Variants in KIFAP3 observed in about 807,000 individuals in gnomAD.
The protein encoded by KIFAP3 is kinesin-associated protein 3.
Under a neutral mutation model 106.5 loss-of-function variants are expected in KIFAP3, and 68 were observed. The ratio of observed to expected loss-of-function variants is 0.64; its 90% confidence interval spans 0.53 to 0.78. The LOEUF is 0.78. KIFAP3 is among the 30% of genes least tolerant of loss of function. KIFAP3 has a pLI of 0.00. For missense variants in KIFAP3, 780 were observed against 941.8 expected, an observed-to-expected ratio of 0.83 and a Z score of 2.25; for synonymous variants, 320 against 311.5, an observed-to-expected ratio of 1.03 and a Z score of -0.29.
chr1:170,045,189 C>T (rs1670179805), intron 3 of KIFAP3, among the ~76,000 whole-genome samples: 1 of 152,052 alleles, frequency 6.6e-6, no homozygotes, highest in Non-Finnish European at 1.5e-5. Flanking sequence ...ATAAAAGCAC[C>T]TCGGAAAGAC....
intron 12 of KIFAP3, 114 bp from the exon 13 acceptor site, chr1:169,983,496 A>C: frequency 1.5e-6 from 1 of 680,468 alleles, no homozygotes; most frequent in East Asian, 2.8e-5. Flanking sequence ...ATAACTCTTA[A>C]GGGTACAATT....
At chr1:169,956,513 T>C (rs1196506267) in intron 18 of KIFAP3, among the ~76,000 whole-genome samples, 1 of 151,908 alleles carries the variant, frequency 6.6e-6, no homozygotes, top group Non-Finnish European at 1.5e-5. Flanking sequence ...ACTTCAAAGA[T>C]TCAGCCAGAA....
intron 10 of KIFAP3, among the ~76,000 whole-genome samples, chr1:170,009,545 T>G (rs191256148): frequency 6.6e-6 from 1 of 152,152 alleles, no homozygotes; most frequent in Non-Finnish European, 1.5e-5. Flanking sequence ...CTTGCTCTTG[T>G]GCTAAAACCA....
intron 1 of KIFAP3, among the ~76,000 whole-genome samples, chr1:170,066,051 A>G (rs1671427302): frequency 6.6e-6 from 1 of 151,038 alleles, no homozygotes; most frequent in Admixed American, 6.6e-5. Flanking sequence ...TTTTCACTAT[A>G]CTTTTAAAAA....
intron 11 of KIFAP3, chr1:169,990,043 T>C: frequency 6.5e-7 from 1 of 1,542,974 alleles, no homozygotes; most frequent in South Asian, 1.2e-5. Flanking sequence ...TATGCTTTGT[T>C]ATCATAGTGA....
chr1:170,071,422 A>G (rs1386484274), intron 1 of KIFAP3, among the ~76,000 whole-genome samples: 1 of 152,216 alleles, frequency 6.6e-6, no homozygotes, highest in African/African-American at 2.4e-5. Context: ...ATGTTGCTAT[A>G]ACACAATACC....
intron 17 of KIFAP3, among the ~76,000 whole-genome samples, chr1:169,969,819 A>G (rs1163537225): frequency 6.6e-6 from 1 of 152,012 alleles, no homozygotes; most frequent in Non-Finnish European, 1.5e-5. Context: ...ACATGTTTAG[A>G]GAATAGTATC....
chr1:169,998,537 C>A (rs1439505783), intron 10 of KIFAP3, among the ~76,000 whole-genome samples: 2 of 151,658 alleles, frequency 1.3e-5, no homozygotes, highest in Non-Finnish European at 2.9e-5. Context: ...AATGTGTCTT[C>A]TGGATTTTAT....
intron 1 of KIFAP3, chr1:170,067,902 T>C (rs1671525453): frequency 6.6e-6 from 1 of 152,106 alleles, no homozygotes; most frequent in Admixed American, 6.6e-5. Flanking sequence ...AATCTAGAAA[T>C]CCATGAGCAT....
At position 170,007,472 on chromosome 1, in the gene KIFAP3, T is replaced by C. The variant is rs137968354; in HGVS notation, c.1183+8990A>G. 9.1e-3 allele frequency among the ~76,000 whole-genome samples: 1,391 copies of C among 152,122 alleles called. 45 individuals carry two copies. The East Asian group carries it at 0.11, about 12-fold the overall frequency. ...AATGGGAAGAAAAGAAATAACATGGTAACTAGAAGGTAAAAGAAGTGACAG... is the reference window on the plus strand; with the variant it reads ...AATGGGAAGAAAAGAAATAACATGGCAACTAGAAGGTAAAAGAAGTGACAG... On this transcript the variant is annotated intron_variant, in intron 10 of 19. Coordinates refer to ENST00000361580, the MANE Select transcript of KIFAP3 (RefSeq NM_014970.4).
At chr1:169,984,175 A>G (rs1346421315) in intron 12 of KIFAP3, among the ~76,000 whole-genome samples, 2 of 151,786 alleles carry the variant, frequency 1.3e-5, no homozygotes, top group African/African-American at 4.8e-5. Flanking sequence ...ACTACTTTTC[A>G]AATAAGGCAA....
chr1:169,925,698 C>A (rs1358635535), intron 19 of KIFAP3, among the ~76,000 whole-genome samples: 1 of 152,004 alleles, frequency 6.6e-6, no homozygotes, highest in African/African-American at 2.4e-5. Context: ...GGAATGGCAG[C>A]CAGTAAAGAA....
intron 19 of KIFAP3, chr1:169,923,174 C>T: frequency 1.5e-6 from 1 of 674,272 alleles, no homozygotes; most frequent in Non-Finnish European, 1.8e-6. Context: ...TGGGGTCCTT[C>T]TATATAAAAA....
intron 5 of KIFAP3, among the ~76,000 whole-genome samples, chr1:170,036,805 T>C (rs1040107844): frequency 7.2e-5 from 11 of 152,158 alleles, no homozygotes; most frequent in Admixed American, 3.3e-4. Context: ...TAGAGAAACA[T>C]CTCAATTAAA....
chr1:169,947,836 G>A (rs943463447), intron 19 of KIFAP3, among the ~76,000 whole-genome samples: 1 of 151,476 alleles, frequency 6.6e-6, no homozygotes, highest in Non-Finnish European at 1.5e-5. Context: ...GTTCACTGTG[G>A]TAAATCATTT....
At chr1:169,975,853 T>G (rs1456539959) in intron 16 of KIFAP3, among the ~76,000 whole-genome samples, 2 of 152,186 alleles carry the variant, frequency 1.3e-5, no homozygotes, top group Non-Finnish European at 2.9e-5. Context: ...GACACAAAGT[T>G]TTTATGAAAA....
intron 1 of KIFAP3, among the ~76,000 whole-genome samples, chr1:170,073,301 A>G (rs1325118544): frequency 3.3e-5 from 5 of 152,216 alleles, no homozygotes; most frequent in Non-Finnish European, 7.4e-5. Flanking sequence ...AGTTTCAGAT[A>G]TATTTACATA....
rs191642251 is a variant in KIFAP3 at position 169,981,109 on chromosome 1, C to T, written c.1798+863G>A. Among the ~76,000 whole-genome samples, 374 of 152,068 alleles carry T rather than the reference C, an allele frequency of 2.5e-3. 2 individuals carry two copies. Among genetic ancestry groups the T allele is most frequent in the African/African-American group, 8.7e-3 (363 of 41,526 alleles). On this transcript the variant is annotated intron_variant, in intron 15 of 19. Transcript: ENST00000361580. Reference sequence around the variant, plus strand: ...AGAGCAAAACTATGTCTCAAAAAGTCAAAACAAAAACAAACAAACAAACAA... The same window carrying T: ...AGAGCAAAACTATGTCTCAAAAAGTTAAAACAAAAACAAACAAACAAACAA...
chr1:170,024,347 A>G, intron 9 of KIFAP3, 71 bp downstream of exon 9: 1 of 1,013,408 alleles, frequency 9.9e-7, no homozygotes, highest in East Asian at 2.6e-5. Flanking sequence ...AAAGTGTTTA[A>G]TTTTTTTCAA....
Sources: gnomAD v4.1 joint callset for allele counts (sites outside exome capture counted in the v4.1 genomes callset) on GRCh38, gnomAD v4.1.1 for gene constraint, MANE v1.5 for transcripts, NCBI Gene and HGNC (gene_info 2026-07-23, HGNC 2026-07-21) for gene names.